INPP4B: variants seen among roughly 807,000 people sequenced by gnomAD.
INPP4B encodes the protein inositol polyphosphate-4-phosphatase type II B.
Under a neutral mutation model 122.5 loss-of-function variants are expected in INPP4B, and 55 were observed. The observed-to-expected ratio is 0.45, with a 90% confidence interval of 0.36 to 0.56. The LOEUF (loss-of-function observed/expected upper bound fraction) is 0.56, where lower values mean the gene tolerates loss of function less well. INPP4B is among the 20% of genes least tolerant of loss of function. The pLI, the probability that INPP4B is intolerant of heterozygous loss-of-function variation, is 0.00. For synonymous variants in INPP4B, 403 were observed against 388.7 expected, an observed-to-expected ratio of 1.04 and a Z score of -0.43; for missense variants, 1,000 against 1,097.7, an observed-to-expected ratio of 0.91 and a Z score of 1.26.
Position 142,278,782 on chromosome 4 carries a change from G to T in INPP4B, c.504-8008C>A, listed in dbSNP as rs200463122. The stretch of plus-strand genomic sequence containing the variant: ...CTCCAGAAAGTGACTTCTTAATATT[G>T]TTCATGAACTCTGGGCTCACCCAAA... On this transcript the variant is annotated intron_variant, in intron 9 of 25. Transcript: ENST00000262992. 2.2e-4 allele frequency among the ~76,000 whole-genome samples: 34 copies of T among 151,958 alleles called. No individual in the cohort carries two copies. In the East Asian group the frequency reaches 5.6e-3, roughly 25 times the overall value.
At chr4:142,192,882 C>T (rs976790673) in intron 15 of INPP4B, among the ~76,000 whole-genome samples, 1 of 152,120 alleles carries the variant, frequency 6.6e-6, no homozygotes. Context: ...CATCACAATG[C>T]CACTAACTAA....
intron 2 of INPP4B, among the ~76,000 whole-genome samples, chr4:142,595,584 AAG>A (rs1475149057): frequency 6.6e-6 from 1 of 152,210 alleles, no homozygotes; most frequent in African/African-American, 2.4e-5. Flanking sequence ...TTTTGAGAAG[AAG>A]AGAGAGTACT....
At chr4:142,839,583 T>A (rs1057144077) in intron 1 of INPP4B, among the ~76,000 whole-genome samples, 7 of 152,248 alleles carry the variant, frequency 4.6e-5, no homozygotes, top group African/African-American at 1.7e-4. Flanking sequence ...AATTATTTTT[T>A]AAATTTTCCT....
intron 10 of INPP4B, among the ~76,000 whole-genome samples, chr4:142,264,442 G>A (rs948142077): frequency 1.3e-5 from 2 of 151,944 alleles, no homozygotes; most frequent in Non-Finnish European, 2.9e-5. Flanking sequence ...TGCTAGTTTC[G>A]AAAAAAGACA....
At chr4:142,221,606 GTT>G (rs369512661) in intron 12 of INPP4B, among the ~76,000 whole-genome samples, 1 of 147,086 alleles carries the variant, frequency 6.8e-6, no homozygotes, top group Admixed American at 6.8e-5. Context: ...AAGAAAGGAG[GTT>G]TTTTTTTTAT....
At chr4:142,032,772 A>G (rs536637296) in intron 25 of INPP4B, among the ~76,000 whole-genome samples, 26 of 152,284 alleles carry the variant, frequency 1.7e-4, no homozygotes, top group Non-Finnish European at 2.6e-4. Context: ...CAACATGTAT[A>G]TCATCGAACT....
At chr4:142,259,649 CTT>C (rs1738684631) in intron 11 of INPP4B, among the ~76,000 whole-genome samples, 1 of 151,588 alleles carries the variant, frequency 6.6e-6, no homozygotes, top group South Asian at 2.1e-4. Context: ...ACTTTATACA[CTT>C]TTAAATTTTC....
chr4:142,713,435 A>T (rs1763356684), intron 2 of INPP4B, among the ~76,000 whole-genome samples: 1 of 152,196 alleles, frequency 6.6e-6, no homozygotes, highest in African/African-American at 2.4e-5. Flanking sequence ...TCTGAGAAAG[A>T]GGAGTTCTAT....
chr4:142,481,384 C>A (rs1396865961), intron 2 of INPP4B, among the ~76,000 whole-genome samples: 1 of 152,012 alleles, frequency 6.6e-6, no homozygotes. Flanking sequence ...TACACTATTA[C>A]AAACCCCTAC....
chr4:142,735,493 C>T (rs1053337764), intron 1 of INPP4B, among the ~76,000 whole-genome samples: 2 of 152,130 alleles, frequency 1.3e-5, no homozygotes, highest in African/African-American at 4.8e-5. Flanking sequence ...CTCATAACAA[C>T]CTTCTTGGCT....
intron 1 of INPP4B, among the ~76,000 whole-genome samples, chr4:142,782,663 A>G (rs1212291348): frequency 1.3e-5 from 2 of 151,928 alleles, no homozygotes; most frequent in Admixed American, 1.3e-4. Context: ...TGACTTTTTA[A>G]TGATTGCCAT....
At chr4:142,423,951 G>A (rs753803872) in intron 5 of INPP4B, 17 of 319,196 alleles carry the variant, frequency 5.3e-5, no homozygotes, top group Non-Finnish European at 9.7e-5. Context: ...ACAAGATGGC[G>A]GGCCTTTCTA....
intron 12 of INPP4B, among the ~76,000 whole-genome samples, chr4:142,217,093 T>C: frequency 6.6e-6 from 1 of 152,172 alleles, no homozygotes; most frequent in East Asian, 1.9e-4. Flanking sequence ...CCCTTTAATT[T>C]ACATTGGAAT....
intron 2 of INPP4B, among the ~76,000 whole-genome samples, chr4:142,579,655 A>G (rs1303610011): frequency 6.6e-6 from 1 of 151,718 alleles, no homozygotes; most frequent in Non-Finnish European, 1.5e-5. Context: ...TCTGAATGGG[A>G]CATTGGCTTT....
chr4:142,411,267 G>C (rs374672805), intron 5 of INPP4B, among the ~76,000 whole-genome samples: 1 of 152,242 alleles, frequency 6.6e-6, no homozygotes, highest in East Asian at 1.9e-4. Context: ...CTCAGTGGAT[G>C]ATGGCCCACA....
chr4:142,599,267 C>T (rs991417928), intron 2 of INPP4B, among the ~76,000 whole-genome samples: 3 of 152,100 alleles, frequency 2.0e-5, no homozygotes, highest in African/African-American at 7.2e-5. Context: ...ACACCAGTGC[C>T]AACATAAGCC....
At chr4:142,828,834 G>A (rs1302965119) in intron 1 of INPP4B, among the ~76,000 whole-genome samples, 1 of 151,884 alleles carries the variant, frequency 6.6e-6, no homozygotes, top group Admixed American at 6.6e-5. Flanking sequence ...TATCAAAAAT[G>A]ACTAGACAAG....
rs145353724 is a variant in INPP4B at position 142,694,781 on chromosome 4, G to A, written c.-191+31058C>T. ...AGTGAACCCTTAGAGGGTTCACGCT[G>A]AGAAGAGCCTACAGCCCCTACACTT... On this transcript the variant is annotated intron_variant, in intron 2 of 25. Coordinates refer to ENST00000262992, the MANE Select transcript of INPP4B (RefSeq NM_001101669.3). 6.6e-5 allele frequency among the ~76,000 whole-genome samples: 10 copies of A among 152,212 alleles called. No homozygotes were observed. In the East Asian group the frequency reaches 1.9e-3, roughly 29 times the overall value.
At chr4:142,173,910 C>G in intron 15 of INPP4B, 101 bp from the exon 16 acceptor site, 1 of 940,952 alleles carries the variant, frequency 1.1e-6, no homozygotes, top group South Asian at 1.4e-5. Context: ...AAGTATCACT[C>G]TTTCCTATTG....
Sources: gnomAD v4.1 joint callset for allele counts (sites outside exome capture counted in the v4.1 genomes callset) on GRCh38, gnomAD v4.1.1 for gene constraint, MANE v1.5 for transcripts, NCBI Gene and HGNC (gene_info 2026-07-23, HGNC 2026-07-21) for gene names.